ZNF736: variants seen among roughly 807,000 people sequenced by gnomAD.
ZNF736 encodes the protein KRAB-containing zinc-finger repressor protein.
Under a neutral mutation model 11.7 loss-of-function variants are expected in ZNF736, and 6 were observed. That is an observed-to-expected ratio of 0.51 (90% confidence interval 0.28 to 1.01). ZNF736 has a LOEUF of 1.01. ZNF736 is among the 50% of genes least tolerant of loss of function. ZNF736 has a pLI of 0.09. For synonymous variants in ZNF736, 139 were observed against 164.7 expected, an observed-to-expected ratio of 0.84 and a Z score of 1.19; for missense variants, 444 against 496.0, an observed-to-expected ratio of 0.90 and a Z score of 1.00.
chr7:64,330,079 C>G (rs537309678), intron 1 of ZNF736, among the ~76,000 whole-genome samples: 3 of 152,334 alleles, frequency 2.0e-5, no homozygotes, highest in East Asian at 3.9e-4. Flanking sequence ...CTGATATCCA[C>G]TGAAGACCTA....
intron 1 of ZNF736, among the ~76,000 whole-genome samples, chr7:64,324,853 A>G (rs1158206407): frequency 2.6e-5 from 4 of 152,224 alleles, no homozygotes; most frequent in Non-Finnish European, 4.4e-5. Flanking sequence ...ATAATTCAAA[A>G]TTTAAGCTGT....
chr7:64,321,272 C>G (rs555879105), intron 1 of ZNF736, among the ~76,000 whole-genome samples: 1 of 152,314 alleles, frequency 6.6e-6, no homozygotes, highest in Non-Finnish European at 1.5e-5. Context: ...TACAAAGTCT[C>G]TAGTTGCCTA....
At chr7:64,314,859 C>A (rs901562228) in intron 1 of ZNF736, among the ~76,000 whole-genome samples, 2 of 152,178 alleles carry the variant, frequency 1.3e-5, no homozygotes, top group African/African-American at 2.4e-5. Flanking sequence ...CGTGCATGAC[C>A]CACCACCCTA....
intron 3 of ZNF736, among the ~76,000 whole-genome samples, chr7:64,339,366 C>T (rs1266719306): frequency 6.6e-6 from 1 of 152,012 alleles, no homozygotes; most frequent in African/African-American, 2.4e-5. Flanking sequence ...ACTTCAAGAC[C>T]AATATTAAGG....
Position 64,352,903 on chromosome 7 carries a change from C to T in ZNF736, c.*3756C>T, listed in dbSNP as rs1191157269. Reference sequence around the variant, plus strand: ...TGGAATCTAAGCCAGTAGGTCTTACCACGTGAGGCATTGTTGAAGTGGGTC... The same window carrying T: ...TGGAATCTAAGCCAGTAGGTCTTACTACGTGAGGCATTGTTGAAGTGGGTC... On this transcript the variant is annotated 3_prime_UTR_variant, in exon 4 of 4. Transcript: ENST00000423484. 6.6e-6 allele frequency: 1 copy of T among 152,432 alleles called. No homozygotes were observed. Among genetic ancestry groups the T allele is most frequent in the South Asian group, 2.1e-4 (1 of 4,830 alleles). The allele number at this position is 152,432 out of a possible 1,614,324, so 9.4% of individuals were successfully genotyped here.
At position 64,351,628 on chromosome 7, in the gene ZNF736, C is replaced by G. The variant is rs1789490360; in HGVS notation, c.*2481C>G. Reference sequence around the variant, plus strand: ...CTGCAGAAATTAGGCCCAACAGTTCCCGTAGGGCTAAAGTCTCTTATGGGA... The same window carrying G: ...CTGCAGAAATTAGGCCCAACAGTTCGCGTAGGGCTAAAGTCTCTTATGGGA... On this transcript the variant is annotated 3_prime_UTR_variant, in exon 4 of 4. Coordinates refer to ENST00000423484, the MANE Select transcript of ZNF736 (RefSeq NM_001170905.3). 1 of 152,246 alleles carries G rather than the reference C, an allele frequency of 6.6e-6. No individual in the cohort carries two copies. The highest frequency in any genetic ancestry group is 1.5e-5 in the Non-Finnish European group (1 of 68,084). The allele number at this position is 152,246 out of a possible 1,614,324, so 9.4% of individuals were successfully genotyped here.
At chr7:64,330,255 C>G (rs980674094) in intron 1 of ZNF736, among the ~76,000 whole-genome samples, 1 of 152,024 alleles carries the variant, frequency 6.6e-6, no homozygotes, top group Non-Finnish European at 1.5e-5. Context: ...CTCCCGGGTT[C>G]CCGCCATTCT....
At chr7:64,342,200 A>C (rs1789346479) in intron 3 of ZNF736, among the ~76,000 whole-genome samples, 2 of 152,118 alleles carry the variant, frequency 1.3e-5, no homozygotes, top group African/African-American at 4.8e-5. Context: ...AAATCTGTGC[A>C]TTATGTTAGA....
chr7:64,351,378 G>A lies in ZNF736; in HGVS notation c.*2231G>A, dbSNP rs1487660937. ...AGGAGTTGCCATGGTGTCACGGGAA[G>A]CTGCAGTATGGGGAAGAAATGTGGG... is the stretch of plus-strand genomic sequence containing the variant. On this transcript the variant is annotated 3_prime_UTR_variant, in exon 4 of 4. Coordinates refer to ENST00000423484, the MANE Select transcript of ZNF736 (RefSeq NM_001170905.3). 3 of 152,390 alleles carry A rather than the reference G, an allele frequency of 2.0e-5. No homozygotes were observed. The allele number at this position is 152,390 out of a possible 1,614,324, so 9.4% of individuals were successfully genotyped here.
In ZNF736 at chr7:64,354,264, C is replaced by T. The variant is rs536848110; in HGVS notation, c.*5117C>T. On this transcript the variant is annotated 3_prime_UTR_variant, in exon 4 of 4. Coordinates refer to ENST00000423484, the MANE Select transcript of ZNF736 (RefSeq NM_001170905.3). ...TCTGGTCTGCTAAACACATACAGAC[C>T]TTTAGTTTTGGTTTACATGGATTTA... The T allele has an allele frequency of 2.0e-5, 3 of 152,134 alleles. No individual in the cohort carries two copies. In the South Asian group the frequency reaches 6.2e-4, roughly 32 times the overall value. The allele number at this position is 152,134 out of a possible 1,614,324, so 9.4% of individuals were successfully genotyped here. A position where few individuals can be genotyped will look rare whatever the true frequency, so the allele number is the denominator to read the frequency against.
chr7:64,330,558 C>A (rs750546708), intron 1 of ZNF736, among the ~76,000 whole-genome samples: 2 of 151,970 alleles, frequency 1.3e-5, no homozygotes, highest in Non-Finnish European at 2.9e-5. Context: ...TTACGGCTAC[C>A]CCACTATGGC....
chr7:64,332,022 A>T (rs894155023), intron 1 of ZNF736, among the ~76,000 whole-genome samples: 1 of 152,186 alleles, frequency 6.6e-6, no homozygotes, highest in South Asian at 2.1e-4. Context: ...AGTTTTGCTC[A>T]TGCTTCAAAG....
chr7:64,325,168 A>G (rs1439462207), intron 1 of ZNF736, among the ~76,000 whole-genome samples: 2 of 21,046 alleles, frequency 9.5e-5, no homozygotes, highest in African/African-American at 1.7e-4. Flanking sequence ...AACCAGTTGT[A>G]AAAAAAAAAA....
At chr7:64,327,188 T>G (rs2115895580) in intron 1 of ZNF736, among the ~76,000 whole-genome samples, 1 of 152,338 alleles carries the variant, frequency 6.6e-6, no homozygotes, top group East Asian at 1.9e-4. Flanking sequence ...TAATATTTGC[T>G]TCATATATCT....
intron 3 of ZNF736, among the ~76,000 whole-genome samples, chr7:64,347,611 A>G (rs1789429216): frequency 6.6e-6 from 1 of 152,130 alleles, no homozygotes; most frequent in African/African-American, 2.4e-5. Flanking sequence ...TTCTCTTGTA[A>G]CAGTCATTTA....
intron 1 of ZNF736, among the ~76,000 whole-genome samples, chr7:64,324,321 T>G (rs955442123): frequency 6.6e-6 from 1 of 152,092 alleles, no homozygotes. Context: ...TGTGAATCAC[T>G]CAGCAAGTGT....
intron 1 of ZNF736, among the ~76,000 whole-genome samples, chr7:64,322,692 T>C (rs1789018631): frequency 6.6e-6 from 1 of 152,206 alleles, no homozygotes; most frequent in Admixed American, 6.5e-5. Context: ...CAGCTCTTAT[T>C]TGTGAAACAG....
chr7:64,342,358 G>A (rs1240171706), intron 3 of ZNF736, among the ~76,000 whole-genome samples: 1 of 152,092 alleles, frequency 6.6e-6, no homozygotes, highest in Non-Finnish European at 1.5e-5. Flanking sequence ...TTAAGTACAA[G>A]AAAATCTAAA....
chr7:64,314,069 C>G lies in ZNF736; in HGVS notation c.-82C>G. 1 of 1,540,758 alleles carries G rather than the reference C, an allele frequency of 6.5e-7. No homozygotes were observed. The highest frequency in any genetic ancestry group is 8.8e-7 in the Non-Finnish European group (1 of 1,137,498). ...CCGTTCCTGGAGTTCCTCGGTGACT[C>G]TACTATAGCTTCTGTTATCCTGTGA... On this transcript the variant is annotated 5_prime_UTR_variant, in exon 1 of 4. Coordinates refer to ENST00000423484, the MANE Select transcript of ZNF736 (RefSeq NM_001170905.3).
Sources: gnomAD v4.1 joint callset for allele counts (sites outside exome capture counted in the v4.1 genomes callset) on GRCh38, gnomAD v4.1.1 for gene constraint, MANE v1.5 for transcripts, NCBI Gene and HGNC (gene_info 2026-07-23, HGNC 2026-07-21) for gene names.